CEP83: variants seen among roughly 807,000 people sequenced by gnomAD.
The protein encoded by CEP83 is centrosomal protein of 83 kDa.
CEP83 carries 70 observed loss-of-function variants against 101.9 expected under a neutral mutation model. The observed-to-expected ratio is 0.69, with a 90% CI of 0.57 to 0.84. The LOEUF is 0.84. Ranked by LOEUF, CEP83 falls within the 40% of genes least tolerant of loss-of-function variation. The pLI is 0.00. For missense variants in CEP83, 715 were observed against 787.2 expected, an observed-to-expected ratio of 0.91 and a Z score of 1.10; for synonymous variants, 264 against 267.9, an observed-to-expected ratio of 0.99 and a Z score of 0.14.
chr12:94,401,616 A>T (rs1363961082), intron 5 of CEP83, among the ~76,000 whole-genome samples: 1 of 152,186 alleles, frequency 6.6e-6, no homozygotes, highest in Non-Finnish European at 1.5e-5. Context: ...AAGATACAGG[A>T]GACACTAACA....
At position 94,400,855 on chromosome 12, in the gene CEP83, A is replaced by G; in HGVS notation, c.544T>C (p.Ser182Pro). The change falls in exon 6 of 17, where the codon TCA becomes CCA. Residue 182 changes from serine (S) to proline (P), a missense_variant. Transcript: ENST00000397809. Reference sequence around the variant, plus strand: ...TCGTATAATCAATCACTTACCTCTGATTCATATTTTATTTTTCCTTCATCT... The same window carrying G: ...TCGTATAATCAATCACTTACCTCTGGTTCATATTTTATTTTTCCTTCATCT... ...ILDEGKIKYE[S>P]EIARLEEDKE... 6.8e-7 allele frequency: 1 copy of G among 1,465,368 alleles called. No individual in the cohort carries two copies. The highest frequency in any genetic ancestry group is 9.1e-7 in the Non-Finnish European group (1 of 1,103,460). The allele number at this position is 1,465,368 out of a possible 1,614,324, so 90.8% of individuals were successfully genotyped here. A position where few individuals can be genotyped will look rare whatever the true frequency, so the allele number is the denominator to read the frequency against.
chr12:94,273,236 AT>A, the CEP83 span, among the ~76,000 whole-genome samples: 5 of 151,810 alleles, frequency 3.3e-5, no homozygotes, highest in African/African-American at 9.7e-5. Flanking sequence ...TCTTTACCAT[AT>A]TTTTTTCCTA....
At chr12:94,459,300 T>G (rs536364955) in intron 1 of CEP83, among the ~76,000 whole-genome samples, 1 of 152,296 alleles carries the variant, frequency 6.6e-6, no homozygotes, top group African/African-American at 2.4e-5. Context: ...GTAGCATAGC[T>G]TTTTCATCGT....
At chr12:94,387,278 G>A (rs374714479) in intron 6 of CEP83, among the ~76,000 whole-genome samples, 20 of 152,252 alleles carry the variant, frequency 1.3e-4, no homozygotes, top group Middle Eastern at 3.4e-3. Flanking sequence ...GCAGGTGAGC[G>A]ACCATTACTG....
At chr12:94,435,547 G>A (rs938697277) in intron 1 of CEP83, among the ~76,000 whole-genome samples, 22 of 152,084 alleles carry the variant, frequency 1.4e-4, no homozygotes, top group African/African-American at 4.3e-4. Flanking sequence ...ATGAACTCTC[G>A]GGAGCTCTAT....
rs778563759 is a variant in CEP83, at chr12:94,333,622, C to A, written c.1437G>T (p.Gln479His). 1.9e-6 allele frequency: 3 copies of A among 1,612,282 alleles called. No individual in the cohort carries two copies. The highest frequency in any genetic ancestry group is 2.2e-5 in the East Asian group (1 of 44,822). Residue 479 changes from glutamine to histidine, a missense_variant, in exon 13 of 17, where the codon CAG becomes CAT. Transcript: ENST00000397809. Reference sequence around the variant, plus strand: ...ACTGTGCAAGTGAAGTCACTTGGATCTGCAAACTACTGATTTGCTTAAAAG... The same window carrying A: ...ACTGTGCAAGTGAAGTCACTTGGATATGCAAACTACTGATTTGCTTAAAAG... ...SDLKQQISSL[Q>H]IQVTSLAQSE...
chr12:94,392,756 A>C (rs2062632690), intron 6 of CEP83, among the ~76,000 whole-genome samples: 1 of 152,178 alleles, frequency 6.6e-6, no homozygotes. Context: ...AGACTAATAA[A>C]GAATCAAATA....
At chr12:94,399,249 T>C (rs951190841) in intron 6 of CEP83, among the ~76,000 whole-genome samples, 8 of 152,182 alleles carry the variant, frequency 5.3e-5, no homozygotes, top group African/African-American at 1.9e-4. Flanking sequence ...CCTACCAATA[T>C]GTGACGGCAC....
chr12:94,344,518 T>G (rs543555223), intron 11 of CEP83, among the ~76,000 whole-genome samples: 2 of 152,192 alleles, frequency 1.3e-5, no homozygotes, highest in African/African-American at 4.8e-5. Flanking sequence ...GTCACAGGAT[T>G]CAAGATCAAT....
chr12:94,362,298 GA>G (rs1240265228), intron 11 of CEP83, among the ~76,000 whole-genome samples: 1 of 152,016 alleles, frequency 6.6e-6, no homozygotes, highest in South Asian at 2.1e-4. Context: ...TAGCCATTAA[GA>G]AAAATAGTAT....
At position 94,411,712 on chromosome 12, in the gene CEP83, T is replaced by A; in HGVS notation, c.309A>T (p.Glu103Asp). 4 of 1,602,054 alleles carry A rather than the reference T, an allele frequency of 2.5e-6. No individual in the cohort carries two copies. The highest frequency in any genetic ancestry group is 3.4e-6 in the Non-Finnish European group (4 of 1,175,642). Residue 103 changes from glutamate (E) to aspartate (D), a missense_variant, in exon 4 of 17, where the codon GAA (glutamate) becomes GAT (aspartate). Coordinates refer to ENST00000397809, the MANE Select transcript of CEP83 (RefSeq NM_016122.3). Reference protein sequence around the residue: ...GELVEKTKDLEEMKLQILTPQ... With the variant: ...GELVEKTKDLDEMKLQILTPQ... ...ATTTTCTCACCTGCAGTTTCATTTCTTCTAAATCTTTAGTTTTCTCTACTA... is the reference window on the plus strand; with the variant it reads ...ATTTTCTCACCTGCAGTTTCATTTCATCTAAATCTTTAGTTTTCTCTACTA...
At chr12:94,407,576 T>C (rs1415941109) in intron 4 of CEP83, among the ~76,000 whole-genome samples, 1 of 152,142 alleles carries the variant, frequency 6.6e-6, no homozygotes, top group Non-Finnish European at 1.5e-5. Context: ...CATACAACAG[T>C]TTAGGGGTCT....
intron 13 of CEP83, among the ~76,000 whole-genome samples, chr12:94,332,415 C>A (rs969206125): frequency 2.6e-5 from 4 of 151,984 alleles, no homozygotes; most frequent in African/African-American, 9.7e-5. Flanking sequence ...AAATAACAAA[C>A]CCTGAGAAGT....
At chr12:94,429,742 A>ACTGCCC (rs2065476547) in intron 2 of CEP83, among the ~76,000 whole-genome samples, 2 of 152,174 alleles carry the variant, frequency 1.3e-5, no homozygotes, top group Admixed American at 1.3e-4. Context: ...ATGAGCTTCC[A>ACTGCCC]CTGCCCAGGC....
intron 2 of CEP83, among the ~76,000 whole-genome samples, chr12:94,420,336 G>T (rs1319607223): frequency 1.3e-5 from 2 of 152,162 alleles, no homozygotes; most frequent in Non-Finnish European, 2.9e-5. Flanking sequence ...ATATGATACT[G>T]TTCATAGCAG....
At chr12:94,411,943 A>G (rs955696484) in intron 3 of CEP83, 96 bp from the exon 4 acceptor site, 1 of 904,456 alleles carries the variant, frequency 1.1e-6, no homozygotes, top group South Asian at 1.5e-5. Context: ...GAAAAACAAG[A>G]CCAATATCAC....
chr12:94,434,564 T>A (rs1278649104), intron 2 of CEP83, among the ~76,000 whole-genome samples: 3 of 152,348 alleles, frequency 2.0e-5, no homozygotes, highest in Admixed American at 6.5e-5. Flanking sequence ...ATCAAACTTT[T>A]AAAAATGTCA....
intron 2 of CEP83, among the ~76,000 whole-genome samples, chr12:94,426,774 G>A (rs971850992): frequency 6.6e-5 from 10 of 152,194 alleles, no homozygotes; most frequent in African/African-American, 1.4e-4. Flanking sequence ...AAGAGAGAAG[G>A]AGAGGGAGTT....
intron 14 of CEP83, among the ~76,000 whole-genome samples, chr12:94,323,331 G>C (rs78799941): frequency 6.6e-6 from 1 of 152,052 alleles, no homozygotes; most frequent in African/African-American, 2.4e-5. Flanking sequence ...ATAATTCTGT[G>C]TAACAGGCTG....
Sources: allele counts gnomAD v4.1 joint callset (sites outside exome capture counted in the v4.1 genomes callset), GRCh38; gene constraint gnomAD v4.1.1; transcripts MANE v1.5; gene names NCBI Gene and HGNC (gene_info 2026-07-23, HGNC 2026-07-21).